Variants in OR51B5 observed in about 807,000 individuals in gnomAD.
OR51B5 encodes the protein olfactory receptor 51B5.
For missense variants in OR51B5, 456 were observed against 374.6 expected (o/e 1.22, Z -1.79); for synonymous variants, 186 against 144.8 (o/e 1.28, Z -2.04).
intron 1 of OR51B5, among the ~76,000 whole-genome samples, chr11:5,471,499 G>A (rs1241638220): frequency 6.6e-6 from 1 of 152,026 alleles, no homozygotes; most frequent in African/African-American, 2.4e-5. Context: ...ACCCAGGCGT[G>A]GTCACACATG....
At chr11:5,495,638 C>T (rs957702843) in intron 1 of OR51B5, among the ~76,000 whole-genome samples, 5 of 152,008 alleles carry the variant, frequency 3.3e-5, no homozygotes, top group African/African-American at 2.4e-5. Context: ...CAAAAGAAAT[C>T]ATCAAATCAA....
chr11:5,368,083 C>T (rs774275128), intron 1 of OR51B5, among the ~76,000 whole-genome samples: 1 of 152,218 alleles, frequency 6.6e-6, no homozygotes, highest in East Asian at 1.9e-4. Context: ...CCCAGGCTCA[C>T]TCAGAACTCT....
intron 1 of OR51B5, among the ~76,000 whole-genome samples, chr11:5,490,784 T>C (rs1590027263): frequency 1.3e-5 from 2 of 152,358 alleles, no homozygotes; most frequent in South Asian, 2.1e-4. Context: ...CCTTATCTAC[T>C]AGCTGCAAGA....
At chr11:5,474,139 T>C (rs1000260395) in intron 1 of OR51B5, among the ~76,000 whole-genome samples, 2 of 152,170 alleles carry the variant, frequency 1.3e-5, no homozygotes, top group African/African-American at 4.8e-5. Flanking sequence ...ACCATAAACT[T>C]ACAACAATCT....
intron 1 of OR51B5, among the ~76,000 whole-genome samples, chr11:5,504,554 G>A (rs1846346251): frequency 6.6e-6 from 1 of 152,140 alleles, no homozygotes; most frequent in African/African-American, 2.4e-5. Flanking sequence ...GTCCTAGGAG[G>A]CCTGCTCTTT....
chr11:5,461,551 C>T (rs1385362675), intron 1 of OR51B5, among the ~76,000 whole-genome samples: 1 of 152,140 alleles, frequency 6.6e-6, no homozygotes, highest in East Asian at 1.9e-4. Flanking sequence ...GCTAAAGTCA[C>T]CTACAGGAGT....
rs1451290350 is a variant in OR51B5 at position 5,478,696 on chromosome 11, A to G, written n.84+26873T>C. ...CTGATGGAGCTGAAAACCAAGGCTCAAGAACTACGTGAAGAATGCAGAAGC... is the reference window on the plus strand; with the variant it reads ...CTGATGGAGCTGAAAACCAAGGCTCGAGAACTACGTGAAGAATGCAGAAGC... On this transcript the variant is annotated intron_variant and non_coding_transcript_variant, in intron 1 of 4. Coordinates refer to the OR51B5 transcript ENST00000415970. Among the ~76,000 whole-genome samples the G allele has an allele frequency of 3.2e-3, 484 of 151,718 alleles. 3 individuals are homozygous for G. Among genetic ancestry groups the G allele is most frequent in the African/African-American group, 9.1e-3 (375 of 41,188 alleles).
chr11:5,358,341 AC>A (rs1290617907), intron 1 of OR51B5, among the ~76,000 whole-genome samples: 1 of 131,724 alleles, frequency 7.6e-6, no homozygotes, highest in African/African-American at 3.0e-5. Flanking sequence ...AATACAAACC[AC>A]CATCAGAGAA....
At chr11:5,372,362 C>A (rs930160900) in intron 1 of OR51B5, among the ~76,000 whole-genome samples, 1 of 152,210 alleles carries the variant, frequency 6.6e-6, no homozygotes, top group East Asian at 1.9e-4. Flanking sequence ...TCTATAATGG[C>A]TATGTTAACT....
chr11:5,440,339 C>T (rs1369510185), intron 1 of OR51B5, among the ~76,000 whole-genome samples: 2 of 152,180 alleles, frequency 1.3e-5, no homozygotes, highest in African/African-American at 4.8e-5. Flanking sequence ...GGTTACTTGA[C>T]AATATTTCAT....
intron 1 of OR51B5, among the ~76,000 whole-genome samples, chr11:5,449,108 G>A (rs1850809029): frequency 6.6e-6 from 1 of 152,234 alleles, no homozygotes; most frequent in Non-Finnish European, 1.5e-5. Flanking sequence ...ACTAGAAGAT[G>A]TTTTGAGTGG....
At chr11:5,357,337 T>C (rs558468067) in intron 1 of OR51B5, among the ~76,000 whole-genome samples, 45 of 151,038 alleles carry the variant, frequency 3.0e-4, no homozygotes, top group African/African-American at 1.0e-3. Context: ...TCATCTCTGA[T>C]AAAACAGGCT....
At chr11:5,345,072 C>T (rs1848969516), upstream of OR51B5, among the ~76,000 whole-genome samples, 1 of 152,090 alleles carries the variant, frequency 6.6e-6, no homozygotes. Flanking sequence ...TAGATGATGT[C>T]AAAGAAGCAG....
At chr11:5,358,901 T>C (rs1849235811) in intron 1 of OR51B5, among the ~76,000 whole-genome samples, 2 of 151,950 alleles carry the variant, frequency 1.3e-5, no homozygotes, top group South Asian at 4.2e-4. Context: ...ACCACATGAT[T>C]ATCTCAATAG....
chr11:5,483,840 A>G (rs978897537), intron 1 of OR51B5, among the ~76,000 whole-genome samples: 7 of 152,190 alleles, frequency 4.6e-5, no homozygotes, highest in African/African-American at 1.7e-4. Flanking sequence ...GGAGGCAGAA[A>G]TACAGAGCTG....
At chr11:5,504,525 C>A (rs867310730) in intron 1 of OR51B5, among the ~76,000 whole-genome samples, 4 of 152,186 alleles carry the variant, frequency 2.6e-5, no homozygotes. Context: ...AGTGTAAGAA[C>A]AGGGACAGCA....
chr11:5,478,948 T>C (rs1169372337), intron 1 of OR51B5, among the ~76,000 whole-genome samples: 6 of 151,122 alleles, frequency 4.0e-5, no homozygotes, highest in Non-Finnish European at 8.9e-5. Context: ...CAGGATATTA[T>C]CCGGGAGAAC....
At chr11:5,405,267 G>A (rs1185214137) in intron 1 of OR51B5, among the ~76,000 whole-genome samples, 4 of 152,104 alleles carry the variant, frequency 2.6e-5, no homozygotes, top group Admixed American at 6.5e-5. Flanking sequence ...AAAAACTGAT[G>A]TTTACATACA....
intron 1 of OR51B5, chr11:5,468,732 T>C (rs753204589): frequency 2.1e-4 from 95 of 456,384 alleles, no homozygotes; most frequent in Non-Finnish European, 3.7e-4. Context: ...CTGGAGGCAA[T>C]GGCCAGCACA....
Sources: gnomAD v4.1 joint callset for allele counts (sites outside exome capture counted in the v4.1 genomes callset) on GRCh38, gnomAD v4.1.1 for gene constraint, MANE v1.5 for transcripts, NCBI Gene and HGNC (gene_info 2026-07-23, HGNC 2026-07-21) for gene names.